Variants in BRD4 observed in about 807,000 individuals in gnomAD.
BRD4 encodes the protein bromodomain-containing protein 4.
In BRD4, 16 loss-of-function variants were observed where a neutral mutation model predicts 142.1. The observed-to-expected ratio is 0.11, with a 90% CI of 0.08 to 0.17. The LOEUF (loss-of-function observed/expected upper bound fraction) is 0.17. Among genes scored for constraint, BRD4 ranks in the 10% least tolerant of loss-of-function variants. The pLI, the probability that BRD4 is intolerant of heterozygous loss-of-function variation, is 1.00. For missense variants in BRD4, 1,424 were observed against 1,810.9 expected (o/e 0.79, Z 3.88); for synonymous variants, 833 against 707.5 (o/e 1.18, Z -2.82).
chr19:15,292,271 C>T (rs1191653510), intron 1 of BRD4, among the ~76,000 whole-genome samples: 1 of 151,356 alleles, frequency 6.6e-6, no homozygotes, highest in Non-Finnish European at 1.5e-5. Context: ...AAAAGAGCTT[C>T]ATTTCACAGC....
At chr19:15,246,937 C>A (rs2047293114) in intron 11 of BRD4, 1 of 175,128 alleles carries the variant, frequency 5.7e-6, no homozygotes, top group African/African-American at 2.4e-5. Flanking sequence ...GTGGTCTGAG[C>A]CTTGTGTCAG....
intron 11 of BRD4, among the ~76,000 whole-genome samples, chr19:15,252,025 A>G (rs1201519677): frequency 1.3e-5 from 2 of 152,040 alleles, no homozygotes; most frequent in Admixed American, 6.5e-5. Flanking sequence ...TGTTCCCAGG[A>G]CTCTCAGATT....
chr19:15,242,556 C>T (rs1382513857), intron 14 of BRD4, among the ~76,000 whole-genome samples: 1 of 152,126 alleles, frequency 6.6e-6, no homozygotes. Context: ...GCGATCACTG[C>T]CTCTTGGAAG....
At chr19:15,312,910 TG>T in intron 1 of BRD4, among the ~76,000 whole-genome samples, 1 of 152,262 alleles carries the variant, frequency 6.6e-6, no homozygotes, top group East Asian at 1.9e-4. Flanking sequence ...CACTCCAGCC[TG>T]GGTGACAGAG....
rs2047212945 is a variant in BRD4 at position 15,238,663 on chromosome 19, T to G, written c.4020+80A>C. 6.9e-7 allele frequency: 1 copy of G among 1,457,858 alleles called. No individual in the cohort carries two copies. Among genetic ancestry groups the G allele is most frequent in the Non-Finnish European group, 9.1e-7 (1 of 1,104,264 alleles). The allele number at this position is 1,457,858 out of a possible 1,614,324, so 90.3% of individuals were successfully genotyped here. ...GGGGCTCCCCCGCTGCCCCTCCCTG[T>G]CCAGGCTCCAGTCCCCCTTTCCCAG... On this transcript the variant is annotated intron_variant, in intron 19 of 19. Transcript: ENST00000679869. The surrounding 1 kb of genome is among the most constrained non-coding windows in gnomAD (Gnocchi z 7.2).
At chr19:15,322,864 C>A in intron 1 of BRD4, among the ~76,000 whole-genome samples, 1 of 114,434 alleles carries the variant, frequency 8.7e-6, no homozygotes, top group African/African-American at 3.8e-5. Context: ...GAGACTCTGT[C>A]TCCAAAAAAA....
At chr19:15,309,853 A>G (rs1211653542) in intron 1 of BRD4, among the ~76,000 whole-genome samples, 1 of 152,094 alleles carries the variant, frequency 6.6e-6, no homozygotes, top group Admixed American at 6.6e-5. Flanking sequence ...ACTGTGCCGG[A>G]GTGAAGGACA....
intron 1 of BRD4, among the ~76,000 whole-genome samples, chr19:15,322,002 G>A (rs2048065637): frequency 6.6e-6 from 1 of 152,094 alleles, no homozygotes; most frequent in Non-Finnish European, 1.5e-5. Context: ...CAAAGAAACA[G>A]ATCACAAAAT....
At chr19:15,312,517 A>G (rs2047980501) in intron 1 of BRD4, among the ~76,000 whole-genome samples, 1 of 152,170 alleles carries the variant, frequency 6.6e-6, no homozygotes, top group African/African-American at 2.4e-5. Context: ...CTGTAATCCC[A>G]GCTACTCAGG....
chr19:15,305,419 A>T (rs2047905499), intron 1 of BRD4, among the ~76,000 whole-genome samples: 1 of 152,240 alleles, frequency 6.6e-6, no homozygotes, highest in African/African-American at 2.4e-5. Context: ...TTTAGCAGGC[A>T]CGAAAACATT....
chr19:15,303,342 C>T (rs2047887624), intron 1 of BRD4, among the ~76,000 whole-genome samples: 1 of 152,124 alleles, frequency 6.6e-6, no homozygotes, highest in African/African-American at 2.4e-5. Flanking sequence ...GAGGACCTTC[C>T]TTGGCCCCAT....
chr19:15,254,603 T>C (rs1022642499), intron 10 of BRD4, among the ~76,000 whole-genome samples: 2 of 152,122 alleles, frequency 1.3e-5, no homozygotes, highest in African/African-American at 2.4e-5. Flanking sequence ...GTTACTCTTC[T>C]AGCAGGGGAA....
At chr19:15,317,689 G>A (rs2048028665) in intron 1 of BRD4, among the ~76,000 whole-genome samples, 1 of 152,104 alleles carries the variant, frequency 6.6e-6, no homozygotes. Flanking sequence ...GGGTAAACCA[G>A]CTCTCACAAG....
chr19:15,257,107 AGGACAC>A lies in BRD4; in HGVS notation c.1402_1407del (p.Val468_Ser469del). 5 of 1,609,144 alleles carry A rather than the reference AGGACAC, an allele frequency of 3.1e-6. No homozygotes were observed. The highest frequency in any genetic ancestry group is 4.2e-6 in the Non-Finnish European group (5 of 1,179,516). On this transcript the variant is annotated inframe_deletion, in exon 8 of 20. Transcript: ENST00000679869. ...TTGGTGGGAGGGGGCACTGCCGGGG[AGGACAC>A]GGCCACCACTGGCTCCTCAGGCTCG...
chr19:15,249,843 G>A (rs2047325491), intron 11 of BRD4, among the ~76,000 whole-genome samples: 1 of 152,002 alleles, frequency 6.6e-6, no homozygotes, highest in Non-Finnish European at 1.5e-5. Flanking sequence ...AGAGCAAACA[G>A]CCTCATCTCT....
chr19:15,237,746 GACACAC>G lies in BRD4; in HGVS notation c.*625_*630del. 1 of 232,622 alleles carries G rather than the reference GACACAC, an allele frequency of 4.3e-6. No homozygotes were observed. 14.4% of individuals were successfully genotyped at this position (232,622 alleles called of 1,614,324 possible). ...CAGTCGCCTCGCTCCGGATGCCATG[GACACAC>G]ACACCTCCACGGCACTATTCCCTTT... is the stretch of plus-strand genomic sequence containing the variant. On this transcript the variant is annotated 3_prime_UTR_variant, in exon 20 of 20. Transcript: ENST00000679869.
intron 1 of BRD4, among the ~76,000 whole-genome samples, chr19:15,310,886 C>T (rs1325083469): frequency 6.6e-6 from 1 of 152,298 alleles, no homozygotes; most frequent in Non-Finnish European, 1.5e-5. Context: ...TTCACCGATG[C>T]CCAATATCCA....
intron 7 of BRD4, among the ~76,000 whole-genome samples, chr19:15,260,286 G>A (rs2047455316): frequency 6.6e-6 from 1 of 152,162 alleles, no homozygotes; most frequent in Admixed American, 6.5e-5. Flanking sequence ...CCCACTTCTT[G>A]GGCCCAGCCA....
Position 15,265,332 on chromosome 19 carries a change from C to T in BRD4, c.849+22G>A, listed in dbSNP as rs1209834381. ...CGCTCTCCTCCCTGGTGAAGCAGCC[C>T]TCCAGAGTCCAGGAGACTCACCTTC... On this transcript the variant is annotated intron_variant, in intron 5 of 19. Coordinates refer to ENST00000679869, the MANE Select transcript of BRD4 (RefSeq NM_001379291.1). The T allele has an allele frequency of 5.4e-6, 8 of 1,482,224 alleles. No individual in the cohort carries two copies. The East Asian group carries it at 7.0e-5, about 13-fold the overall frequency. 91.8% of individuals were successfully genotyped at this position (1,482,224 alleles called of 1,614,324 possible).
Sources: gnomAD v4.1 joint callset for allele counts (sites outside exome capture counted in the v4.1 genomes callset) on GRCh38, gnomAD v4.1.1 for gene constraint, Gnocchi (gnomAD v3.1) non-coding constraint, MANE v1.5 for transcripts, NCBI Gene and HGNC (gene_info 2026-07-23, HGNC 2026-07-21) for gene names.